CSMD1: variants seen among roughly 807,000 people sequenced by gnomAD.
CSMD1 encodes CUB and sushi domain-containing protein 1.
In CSMD1, 213 loss-of-function variants were observed where a neutral mutation model predicts 417.5. That is an observed-to-expected ratio of 0.51 (90% CI 0.46 to 0.57). The LOEUF (loss-of-function observed/expected upper bound fraction) is 0.57, where lower values mean the gene tolerates loss of function less well. Among genes scored for constraint, CSMD1 ranks in the 20% least tolerant of loss-of-function variants. The pLI is 0.00. For synonymous variants in CSMD1, 2,862 were observed against 1,736.8 expected, an observed-to-expected ratio of 1.65 and a Z score of -16.11; for missense variants, 6,923 against 4,529.7, an observed-to-expected ratio of 1.53 and a Z score of -15.17.
chr8:4,699,207 T>C (rs1035078008), intron 1 of CSMD1, among the ~76,000 whole-genome samples: 3 of 152,222 alleles, frequency 2.0e-5, no homozygotes, highest in Non-Finnish European at 2.9e-5. Context: ...GTAAAGTTAA[T>C]ACTCAAATGT....
intron 11 of CSMD1, among the ~76,000 whole-genome samples, chr8:3,489,103 G>C (rs145970363): frequency 5.3e-5 from 8 of 152,026 alleles, no homozygotes; most frequent in African/African-American, 1.7e-4. Flanking sequence ...CTTTTTAATG[G>C]CTCTTCAGCA....
intron 1 of CSMD1, among the ~76,000 whole-genome samples, chr8:4,885,859 G>A (rs986384824): frequency 4.0e-5 from 6 of 151,850 alleles, no homozygotes; most frequent in Non-Finnish European, 7.4e-5. Flanking sequence ...GCTCTTATCT[G>A]AAAACAAAAC....
chr8:4,738,701 T>G (rs1585023290), intron 1 of CSMD1, among the ~76,000 whole-genome samples: 1 of 152,204 alleles, frequency 6.6e-6, no homozygotes, highest in Non-Finnish European at 1.5e-5. Context: ...ATATAAATTT[T>G]CATTGATATA....
intron 3 of CSMD1, among the ~76,000 whole-genome samples, chr8:4,112,748 A>G (rs138771388): frequency 2.0e-5 from 3 of 152,350 alleles, no homozygotes; most frequent in South Asian, 2.1e-4. Context: ...ATTAAACAAT[A>G]TATCCTTAAA....
intron 2 of CSMD1, among the ~76,000 whole-genome samples, chr8:4,474,489 G>C (rs1265025649): frequency 6.6e-6 from 1 of 152,176 alleles, no homozygotes; most frequent in Non-Finnish European, 1.5e-5. Flanking sequence ...AAGTTGCTAA[G>C]GGCTGCAGTC....
chr8:3,482,415 C>G (rs1378910230), intron 11 of CSMD1, among the ~76,000 whole-genome samples: 2 of 152,100 alleles, frequency 1.3e-5, no homozygotes, highest in Admixed American at 6.5e-5. Flanking sequence ...ATAAAAGTAT[C>G]AGAGACAAAG....
At chr8:3,330,441 TG>T (rs1563279104) in intron 23 of CSMD1, among the ~76,000 whole-genome samples, 2 of 152,226 alleles carry the variant, frequency 1.3e-5, no homozygotes. Flanking sequence ...TCATGTCTTT[TG>T]TGAGAACATG....
intron 5 of CSMD1, among the ~76,000 whole-genome samples, chr8:3,926,170 T>C (rs926656901): frequency 6.6e-6 from 1 of 151,572 alleles, no homozygotes; most frequent in African/African-American, 2.4e-5. Context: ...GTATACTTTC[T>C]AAGTCATATT....
At chr8:3,465,255 C>G (rs1363829719) in intron 12 of CSMD1, among the ~76,000 whole-genome samples, 2 of 152,146 alleles carry the variant, frequency 1.3e-5, no homozygotes, top group African/African-American at 2.4e-5. Context: ...TTTCTCCACC[C>G]TACTTGCTTT....
intron 2 of CSMD1, among the ~76,000 whole-genome samples, chr8:4,603,328 G>C (rs1800694617): frequency 6.6e-6 from 1 of 151,534 alleles, no homozygotes; most frequent in African/African-American, 2.4e-5. Context: ...ATTTTATTAA[G>C]AATTCAATAT....
At chr8:4,667,721 G>A (rs1183877446) in intron 1 of CSMD1, among the ~76,000 whole-genome samples, 3 of 152,230 alleles carry the variant, frequency 2.0e-5, no homozygotes, top group East Asian at 3.9e-4. Flanking sequence ...AAATCACATG[G>A]CATTATTAAA....
chr8:3,029,296 G>T, intron 51 of CSMD1, 23 bp downstream of exon 51: 1 of 1,550,676 alleles, frequency 6.4e-7, no homozygotes, highest in Non-Finnish European at 8.7e-7. Flanking sequence ...GTGACTTTCA[G>T]GGGTGCCTCC....
At chr8:3,810,935 G>A (rs1048702400) in intron 5 of CSMD1, among the ~76,000 whole-genome samples, 1 of 152,156 alleles carries the variant, frequency 6.6e-6, no homozygotes, top group Non-Finnish European at 1.5e-5. Flanking sequence ...CTTTATCTTT[G>A]AAATGGGGAT....
At chr8:3,715,891 T>C (rs1240202663) in intron 6 of CSMD1, among the ~76,000 whole-genome samples, 1 of 152,162 alleles carries the variant, frequency 6.6e-6, no homozygotes, top group Non-Finnish European at 1.5e-5. Flanking sequence ...GACAGGAATC[T>C]TTCCCTCCAC....
At chr8:3,181,588 G>A (rs886597825) in intron 36 of CSMD1, among the ~76,000 whole-genome samples, 2 of 152,176 alleles carry the variant, frequency 1.3e-5, no homozygotes, top group Admixed American at 6.5e-5. Context: ...AATGAGGGTT[G>A]AGGGAGCAGT....
chr8:4,586,872 T>C (rs1053549397), intron 2 of CSMD1, among the ~76,000 whole-genome samples: 6 of 152,210 alleles, frequency 3.9e-5, no homozygotes, highest in African/African-American at 1.4e-4. Context: ...CTATCCAGTA[T>C]CTGGCATAGT....
chr8:4,038,788 G>C (rs1797744130), intron 3 of CSMD1, among the ~76,000 whole-genome samples: 1 of 152,160 alleles, frequency 6.6e-6, no homozygotes, highest in African/African-American at 2.4e-5. Flanking sequence ...AAGAGCTCTG[G>C]GCACAGTTGT....
intron 3 of CSMD1, among the ~76,000 whole-genome samples, chr8:4,220,242 T>C (rs1410801232): frequency 6.6e-6 from 1 of 152,200 alleles, no homozygotes; most frequent in Non-Finnish European, 1.5e-5. Flanking sequence ...TGAGCCACCA[T>C]GCCCAGTCTC....
intron 1 of CSMD1, among the ~76,000 whole-genome samples, chr8:4,678,635 T>C (rs1388120996): frequency 2.6e-5 from 4 of 152,174 alleles, no homozygotes. Flanking sequence ...TAAAAACATG[T>C]GCTACCTATT....
Sources: gnomAD v4.1 joint callset for allele counts (sites outside exome capture counted in the v4.1 genomes callset) on GRCh38, gnomAD v4.1.1 for gene constraint, MANE v1.5 for transcripts, NCBI Gene and HGNC (gene_info 2026-07-23, HGNC 2026-07-21) for gene names.